The following CASKIN1 variants were observed in gnomAD, a reference collection of about 807,000 sequenced individuals.
CASKIN1 encodes caskin-1.
Under a neutral mutation model 117.5 loss-of-function variants are expected in CASKIN1, and 42 were observed. The ratio of observed to expected loss-of-function variants is 0.36; its 90% CI spans 0.28 to 0.46. CASKIN1 has a LOEUF of 0.46. Among genes scored for constraint, CASKIN1 ranks in the 20% least tolerant of loss-of-function variants. The pLI is 1.00. For synonymous variants in CASKIN1, 1,148 were observed against 961.7 expected (o/e 1.19, Z -3.59); for missense variants, 2,083 against 2,077.3 (o/e 1.00, Z -0.05).
At position 2,180,581 on chromosome 16, in the gene CASKIN1, GTTC is replaced by G. The variant is rs1480931740; in HGVS notation, c.2784_2786del (p.Lys928del). 6.4e-7 allele frequency: 1 copy of G among 1,570,540 alleles called. No individual in the cohort carries two copies. The highest frequency in any genetic ancestry group is 1.1e-5 in the South Asian group (1 of 87,184). ...CGGCAAAGGACTGGCTGCGGTTGAC[GTTC>G]TTGTCGGCACCTGCGGGCGCCCTCA... On this transcript the variant is annotated inframe_deletion, in exon 18 of 20. Coordinates refer to ENST00000343516, the MANE Select transcript of CASKIN1 (RefSeq NM_020764.4).
Position 2,190,200 on chromosome 16 carries a change from A to T in CASKIN1, c.147-30T>A, listed in dbSNP as rs368880886. 22 of 1,610,750 alleles carry T rather than the reference A, an allele frequency of 1.4e-5. No individual in the cohort carries two copies. The African/African-American group carries it at 2.5e-4, about 19-fold the overall frequency. ...CACGTGCAGAGGACACATAGAGCAG[A>T]GGCCCTGGCGCCCCGGCCTTCCCGG... On this transcript the variant is annotated intron_variant, in intron 2 of 19. Coordinates refer to ENST00000343516, the MANE Select transcript of CASKIN1 (RefSeq NM_020764.4).
At chr16:2,191,503 C>T (rs1442064224) in intron 1 of CASKIN1, among the ~76,000 whole-genome samples, 3 of 152,216 alleles carry the variant, frequency 2.0e-5, no homozygotes, top group Non-Finnish European at 4.4e-5. Flanking sequence ...CAGGGCCTCC[C>T]GGAGGTGTGA....
Position 2,180,621 on chromosome 16 carries a change from C to T in CASKIN1, c.2747G>A (p.Arg916His), listed in dbSNP as rs969850214. ...PYATVQRRVG[R>H]SHSVRAPAGA... is the part of the protein sequence containing the mutation. ...TGCGGGCGCCCTCACTGAGTGGCTGCGGCCCACGCGCCGCTGGACCGTGGC... is the reference window on the plus strand; with the variant it reads ...TGCGGGCGCCCTCACTGAGTGGCTGTGGCCCACGCGCCGCTGGACCGTGGC... The change falls in exon 18 of 20, where the codon CGC (arginine) becomes CAC (histidine). Residue 916 changes from arginine to histidine, a missense_variant. By Grantham distance (29) the Arg-to-His change is conservative. Transcript: ENST00000343516. The T allele has an allele frequency of 1.2e-5, 18 of 1,559,008 alleles. No homozygotes were observed. Among genetic ancestry groups the T allele is most frequent in the African/African-American group, 4.1e-5 (3 of 73,788 alleles).
At position 2,182,667 on chromosome 16, in the gene CASKIN1, C is replaced by T. The variant is rs1489284631; in HGVS notation, c.1630-738G>A. Among the ~76,000 whole-genome samples the T allele has an allele frequency of 1.3e-5, 2 of 152,230 alleles. No homozygotes were observed. The highest frequency in any genetic ancestry group is 2.9e-5 in the Non-Finnish European group (2 of 68,044). On this transcript the variant is annotated intron_variant, in intron 16 of 19. Coordinates refer to ENST00000343516, the MANE Select transcript of CASKIN1 (RefSeq NM_020764.4). The surrounding 1 kb of genome is among the most constrained non-coding windows in gnomAD (Gnocchi z 4.1). The stretch of plus-strand genomic sequence containing the variant: ...GCGCCAGGTGGCTTTTGACAGCCAC[C>T]GATCGCCTCTCCCGTTGGGAGCCCA...
intron 1 of CASKIN1, among the ~76,000 whole-genome samples, chr16:2,192,801 G>A (rs1452659179): frequency 6.6e-6 from 1 of 152,102 alleles, no homozygotes; most frequent in African/African-American, 2.4e-5. Context: ...CAGCACCAAG[G>A]GGACAAGGGC....
At position 2,190,287 on chromosome 16, in the gene CASKIN1, C is replaced by G; in HGVS notation, c.146+20G>C. The G allele has an allele frequency of 6.3e-7, 1 of 1,576,780 alleles. No homozygotes were observed. The highest frequency in any genetic ancestry group is 1.1e-5 in the South Asian group (1 of 87,130). On this transcript the variant is annotated intron_variant, in intron 2 of 19. Transcript: ENST00000343516. Reference sequence around the variant, plus strand: ...AGCCACCCTCCCTTCCAGGCAGGCACCACCCGGCTCAGAACTCACCCATCC... The same window carrying G: ...AGCCACCCTCCCTTCCAGGCAGGCAGCACCCGGCTCAGAACTCACCCATCC...
intron 16 of CASKIN1, 41 bp from the exon 17 acceptor site, chr16:2,181,970 C>T: frequency 6.2e-7 from 1 of 1,607,164 alleles, no homozygotes; most frequent in Non-Finnish European, 8.5e-7. Context: ...GGGCTGGCTG[C>T]CCGCACCCTG....
At chr16:2,186,584 C>T in intron 10 of CASKIN1, 123 bp downstream of exon 10, 2 of 768,984 alleles carry the variant, frequency 2.6e-6, no homozygotes, top group Middle Eastern at 2.9e-4. Flanking sequence ...GCTCCCCACT[C>T]AACCCCACGC....
intron 1 of CASKIN1, among the ~76,000 whole-genome samples, chr16:2,195,071 T>C (rs1160721678): frequency 6.6e-6 from 1 of 152,058 alleles, no homozygotes; most frequent in Non-Finnish European, 1.5e-5. Flanking sequence ...CTTCCCTCAA[T>C]CCCTACACCT....
Position 2,196,355 on chromosome 16 carries a change from C to T in CASKIN1, c.78G>A (p.Pro26=). The T allele has an allele frequency of 7.6e-7, 1 of 1,318,502 alleles. No individual in the cohort carries two copies. The highest frequency in any genetic ancestry group is 9.8e-7 in the Non-Finnish European group (1 of 1,020,992). The allele number at this position is 1,318,502 out of a possible 1,614,324, so 81.7% of individuals were successfully genotyped here. The change falls in exon 1 of 20, where the codon CCG becomes CCA. Residue 26 remains proline (P), a synonymous_variant. Transcript: ENST00000343516. The surrounding 1 kb of genome is among the most constrained non-coding windows in gnomAD (Gnocchi z 5.7). ...GGCACTCACTGGCCTTCCCGGGCCG[C>T]GGCCTCTGCAGCAGCCTCTGCGCGG... ...VGTAQRLLQR[P]RPGKAKLLGS...
In CASKIN1 at chr16:2,196,487, G is replaced by C; in HGVS notation, c.-55C>G. ...GCGCTCGTGAGCTCGGCGCGGCTCAGAGGCGGCGGCGGCCCCGCGGCACCG... is the reference window on the plus strand; with the variant it reads ...GCGCTCGTGAGCTCGGCGCGGCTCACAGGCGGCGGCGGCCCCGCGGCACCG... On this transcript the variant is annotated 5_prime_UTR_variant, in exon 1 of 20. Transcript: ENST00000343516. The surrounding 1 kb of genome is among the most constrained non-coding windows in gnomAD (Gnocchi z 5.7). 1.1e-6 allele frequency: 1 copy of C among 937,376 alleles called. No homozygotes were observed. The highest frequency in any genetic ancestry group is 1.3e-6 in the Non-Finnish European group (1 of 772,054). 58.1% of individuals were successfully genotyped at this position (937,376 alleles called of 1,614,324 possible). A position where few individuals can be genotyped will look rare whatever the true frequency, so the allele number is the denominator to read the frequency against.
chr16:2,182,232 A>T lies in CASKIN1; in HGVS notation c.1630-303T>A, dbSNP rs902786841. Among the ~76,000 whole-genome samples, 3 of 152,116 alleles carry T rather than the reference A, an allele frequency of 2.0e-5. No individual in the cohort carries two copies. The highest frequency in any genetic ancestry group is 4.4e-5 in the Non-Finnish European group (3 of 68,012). On this transcript the variant is annotated intron_variant, in intron 16 of 19. Transcript: ENST00000343516. The surrounding 1 kb of genome is among the most constrained non-coding windows in gnomAD (Gnocchi z 4.1). ...CCGGCCAGGCAGCCACGAGTACAGC[A>T]CCATGGGGAGACACACCCGAGTCAT... is the stretch of plus-strand genomic sequence containing the variant.
chr16:2,190,513 G>A (rs1421769440), intron 1 of CASKIN1, among the ~76,000 whole-genome samples, 155 bp from the exon 2 acceptor site: 5 of 152,200 alleles, frequency 3.3e-5, no homozygotes, highest in Non-Finnish European at 7.3e-5. Context: ...GCACTCACGC[G>A]TTCAGCTCTG....
chr16:2,184,834 G>T lies in CASKIN1; in HGVS notation c.1359C>A (p.Ala453=), dbSNP rs755679431. 6.4e-7 allele frequency: 1 copy of T among 1,558,278 alleles called. No individual in the cohort carries two copies. Among genetic ancestry groups the T allele is most frequent in the Non-Finnish European group, 8.7e-7 (1 of 1,151,262 alleles). The change falls in exon 14 of 20, where the codon GCC becomes GCA. Residue 453 remains alanine, a synonymous_variant. Transcript: ENST00000343516. ...VARSQPPVAH[A]GQVYGEQPPK... ...GCGGCTGCTCCCCATAGACCTGCCC[G>T]GCGTGGGCCACTGGAGGCTGGGACC...
At position 2,178,546 on chromosome 16, in the gene CASKIN1, G is replaced by A; in HGVS notation, c.*4C>T. On this transcript the variant is annotated 3_prime_UTR_variant, in exon 20 of 20. Coordinates refer to ENST00000343516, the MANE Select transcript of CASKIN1 (RefSeq NM_020764.4). ...CGGCGCGGGAGGGCCCGGCCAGGCG[G>A]CGTTCACTCCAGCATGGCATCCAGC... The A allele has an allele frequency of 6.3e-7, 1 of 1,579,374 alleles. No homozygotes were observed. Among genetic ancestry groups the A allele is most frequent in the East Asian group, 2.4e-5 (1 of 42,440 alleles).
intron 1 of CASKIN1, among the ~76,000 whole-genome samples, chr16:2,191,147 C>G (rs958445793): frequency 6.6e-6 from 1 of 152,190 alleles, no homozygotes; most frequent in African/African-American, 2.4e-5. Context: ...CTATCTGGGC[C>G]GTGGTTACAT....
Position 2,196,281 on chromosome 16 carries a change from C to T in CASKIN1, c.94+58G>A. On this transcript the variant is annotated intron_variant, in intron 1 of 19. Coordinates refer to ENST00000343516, the MANE Select transcript of CASKIN1 (RefSeq NM_020764.4). The surrounding 1 kb of genome is among the most constrained non-coding windows in gnomAD (Gnocchi z 5.7). Reference sequence around the variant, plus strand: ...CCCGCCCGGCGCCGGGTGGGGGGCTCCGCGCCGGGGAGGGGCCCCCGGGGC... The same window carrying T: ...CCCGCCCGGCGCCGGGTGGGGGGCTTCGCGCCGGGGAGGGGCCCCCGGGGC... The T allele has an allele frequency of 1.2e-6, 1 of 813,108 alleles. No homozygotes were observed. The highest frequency in any genetic ancestry group is 1.6e-6 in the Non-Finnish European group (1 of 636,374). 50.4% of individuals were successfully genotyped at this position (813,108 alleles called of 1,614,324 possible).
Position 2,178,428 on chromosome 16 carries a change from A to T in CASKIN1, c.*122T>A. 1.5e-6 allele frequency: 1 copy of T among 666,860 alleles called. No homozygotes were observed. The highest frequency in any genetic ancestry group is 2.4e-5 in the South Asian group (1 of 41,764). 41.3% of individuals were successfully genotyped at this position (666,860 alleles called of 1,614,324 possible). ...GCCCCGGCCCGGGTCCAGGGGCCGGAGTTGTGCTTCTGCAGGGCCCTGCCC... is the reference window on the plus strand; with the variant it reads ...GCCCCGGCCCGGGTCCAGGGGCCGGTGTTGTGCTTCTGCAGGGCCCTGCCC... On this transcript the variant is annotated 3_prime_UTR_variant, in exon 20 of 20. Transcript: ENST00000343516.
At chr16:2,190,025 T>C in intron 3 of CASKIN1, 48 bp downstream of exon 3, 340 of 750,288 alleles carry the variant, frequency 4.5e-4, no homozygotes, top group Middle Eastern at 8.1e-4. Context: ...GGAGCCCCCC[T>C]CGCTGCCCCC....
Sources: allele counts gnomAD v4.1 joint callset (sites outside exome capture counted in the v4.1 genomes callset), GRCh38; gene constraint gnomAD v4.1.1; non-coding constraint Gnocchi (gnomAD v3.1); transcripts MANE v1.5; gene names NCBI Gene and HGNC (gene_info 2026-07-23, HGNC 2026-07-21).